MKNK1: variants seen among roughly 807,000 people sequenced by gnomAD.
The protein encoded by MKNK1 is MAPK interacting serine/threonine kinase 1.
Under a neutral mutation model 49.3 loss-of-function variants are expected in MKNK1, and 30 were observed. The ratio of observed to expected loss-of-function variants is 0.61; its 90% CI spans 0.46 to 0.83. The LOEUF (loss-of-function observed/expected upper bound fraction) is 0.83. Ranked by LOEUF, MKNK1 falls within the 40% of genes least tolerant of loss-of-function variation. MKNK1 has a pLI of 0.00. For synonymous variants in MKNK1, 176 were observed against 201.7 expected, an observed-to-expected ratio of 0.87 and a Z score of 1.08; for missense variants, 423 against 524.7, an observed-to-expected ratio of 0.81 and a Z score of 1.89.
At chr1:46,591,156 C>G (rs1673278319) in intron 2 of MKNK1, among the ~76,000 whole-genome samples, 1 of 152,208 alleles carries the variant, frequency 6.6e-6, no homozygotes, top group Non-Finnish European at 1.5e-5. Flanking sequence ...TCAGATTTAA[C>G]ACATGATGGA....
intron 4 of MKNK1, 77 bp downstream of exon 4, chr1:46,580,453 T>G (rs987710971): frequency 9.9e-7 from 1 of 1,008,190 alleles, no homozygotes; most frequent in Non-Finnish European, 1.6e-6. Flanking sequence ...TTATGGAATA[T>G]AACATTTATT....
Position 46,572,102 on chromosome 1 carries a change from G to A in MKNK1, c.418C>T (p.Arg140Trp), listed in dbSNP as rs756358006. Reference protein sequence around the residue: ...FNEREASRVVRDVAAALDFLH... With the variant: ...FNEREASRVVWDVAAALDFLH... ...AAGTCAAGGGCAGCAGCAACGTCCC[G>A]CACCACTCGGCTGGCTTCTCGCTCA... is the stretch of plus-strand genomic sequence containing the variant. The change falls in exon 7 of 13, where the codon CGG becomes TGG. Residue 140 changes from arginine (R) to tryptophan (W), a missense_variant. Coordinates refer to ENST00000371945, the MANE Select transcript of MKNK1 (RefSeq NM_001135553.4). 1.4e-5 allele frequency: 22 copies of A among 1,613,972 alleles called. No individual in the cohort carries two copies. The highest frequency in any genetic ancestry group is 2.2e-5 in the East Asian group (1 of 44,892).
In MKNK1 at chr1:46,558,306, A is replaced by G; in HGVS notation, c.*269T>C. 2 of 459,750 alleles carry G rather than the reference A, an allele frequency of 4.4e-6. No homozygotes were observed. Among genetic ancestry groups the G allele is most frequent in the Non-Finnish European group, 7.7e-6 (2 of 259,918 alleles). 28.5% of individuals were successfully genotyped at this position (459,750 alleles called of 1,614,324 possible). On this transcript the variant is annotated 3_prime_UTR_variant, in exon 13 of 13. Coordinates refer to ENST00000371945, the MANE Select transcript of MKNK1 (RefSeq NM_001135553.4). The stretch of plus-strand genomic sequence containing the variant: ...GCAGGCGGGTGAGCAGGTGGAGCCC[A>G]GTGAAGAGATGTTCCTGCTGCAGGC...
intron 2 of MKNK1, chr1:46,586,034 G>A (rs1672515426): frequency 1.0e-5 from 8 of 783,316 alleles, no homozygotes; most frequent in Non-Finnish European, 1.6e-5. Context: ...TAGCTTCCCT[G>A]GTTACACAGG....
In MKNK1 at chr1:46,558,398, C is replaced by T. The variant is rs369165175; in HGVS notation, c.*177G>A. 3.2e-6 allele frequency: 2 copies of T among 624,306 alleles called. No homozygotes were observed. The highest frequency in any genetic ancestry group is 5.3e-6 in the Non-Finnish European group (2 of 379,226). 38.7% of individuals were successfully genotyped at this position (624,306 alleles called of 1,614,324 possible). A position where few individuals can be genotyped will look rare whatever the true frequency, so the allele number is the denominator to read the frequency against. ...CAACCCCTTTGGAAAAAGCTTTTTCCTCCAGGACCCTAGGGAAATGGGGGT... is the reference window on the plus strand; with the variant it reads ...CAACCCCTTTGGAAAAAGCTTTTTCTTCCAGGACCCTAGGGAAATGGGGGT... On this transcript the variant is annotated 3_prime_UTR_variant, in exon 13 of 13. Transcript: ENST00000371945.
At chr1:46,562,925 G>T (rs183818787) in intron 9 of MKNK1, 82 bp from the exon 10 acceptor site, 9 of 1,172,474 alleles carry the variant, frequency 7.7e-6, no homozygotes, top group Non-Finnish European at 1.1e-5. Context: ...GCAGAGAGCA[G>T]ACTGTGATGG....
chr1:46,577,713 C>T (rs1015684752), intron 4 of MKNK1, among the ~76,000 whole-genome samples: 1 of 152,176 alleles, frequency 6.6e-6, no homozygotes, highest in Admixed American at 6.5e-5. Flanking sequence ...ACACTTTTAC[C>T]TGAGATGCTT....
intron 8 of MKNK1, among the ~76,000 whole-genome samples, chr1:46,568,045 C>T (rs918861973): frequency 1.3e-5 from 2 of 151,646 alleles, no homozygotes; most frequent in Non-Finnish European, 2.9e-5. Context: ...CCACTTGAGC[C>T]TGGGAAGTCG....
chr1:46,560,304 G>T (rs376318931), intron 11 of MKNK1, 27 bp from the exon 12 acceptor site: 2 of 1,612,782 alleles, frequency 1.2e-6, no homozygotes, highest in Non-Finnish European at 1.7e-6. Flanking sequence ...AGATGTGTAG[G>T]TAAAGCACTG....
chr1:46,571,988 C>T, intron 7 of MKNK1, 75 bp downstream of exon 7: 1 of 1,366,066 alleles, frequency 7.3e-7, no homozygotes, highest in Non-Finnish European at 1.0e-6. Flanking sequence ...CAGCCCTCTG[C>T]CTGGCCTACC....
chr1:46,562,658 C>T lies in MKNK1; in HGVS notation c.795G>A (p.Arg265=), dbSNP rs1380978934. ...DCGWDRGEVC[R]VCQNKLFESI... is the part of the protein sequence containing the mutation. The stretch of plus-strand genomic sequence containing the variant: ...CTGGGGCCGCACTCACCTGGCACAC[C>T]CTGCAGACCTCGCCCCGGTCCCAGC... Residue 265 remains arginine (R), a synonymous_variant, in exon 10 of 13, where the codon AGG becomes AGA. Transcript: ENST00000371945. The T allele has an allele frequency of 6.4e-7, 1 of 1,553,040 alleles. No individual in the cohort carries two copies. The highest frequency in any genetic ancestry group is 1.2e-5 in the South Asian group (1 of 84,272).
At chr1:46,569,480 G>C (rs899857536) in intron 7 of MKNK1, 1 of 152,272 alleles carries the variant, frequency 6.6e-6, no homozygotes, top group Admixed American at 6.5e-5. Context: ...GGGCTGGAAG[G>C]CTGAGCAAGA....
intron 1 of MKNK1, 43 bp downstream of exon 1, chr1:46,604,142 C>G (rs752382710): frequency 1.3e-5 from 2 of 152,304 alleles, no homozygotes; most frequent in African/African-American, 2.4e-5. Flanking sequence ...CAGACCCCGG[C>G]CCCATTTAGC....
intron 1 of MKNK1, among the ~76,000 whole-genome samples, chr1:46,599,681 A>C (rs1476046953): frequency 6.6e-6 from 1 of 152,206 alleles, no homozygotes; most frequent in East Asian, 1.9e-4. Flanking sequence ...TAGCATAAGG[A>C]AGATAACATG....
chr1:46,585,640 A>G (rs911408815), intron 2 of MKNK1: 4 of 352,524 alleles, frequency 1.1e-5, no homozygotes, highest in African/African-American at 8.6e-5. Flanking sequence ...GACAAGCAAA[A>G]CAGCCAAAAG....
chr1:46,576,689 C>T (rs1179313117), intron 4 of MKNK1, 35 bp from the exon 5 acceptor site: 17 of 1,585,388 alleles, frequency 1.1e-5, no homozygotes, highest in Non-Finnish European at 1.5e-5. Flanking sequence ...TGTACACCCA[C>T]CTGACTTCCA....
chr1:46,594,402 C>T (rs776905617), intron 1 of MKNK1, 122 bp from the exon 2 acceptor site: 60 of 517,674 alleles, frequency 1.2e-4, no homozygotes, highest in Non-Finnish European at 8.8e-5. Flanking sequence ...TAGATATACA[C>T]GCAGCAATCA....
At chr1:46,568,402 G>T (rs372509463) in intron 8 of MKNK1, 41 bp downstream of exon 8, 1 of 1,599,756 alleles carries the variant, frequency 6.3e-7, no homozygotes, top group Admixed American at 1.7e-5. Flanking sequence ...GGCTTCCTCG[G>T]TAAGTATAAA....
chr1:46,592,115 C>T (rs1254540796), intron 2 of MKNK1, among the ~76,000 whole-genome samples: 1 of 152,188 alleles, frequency 6.6e-6, no homozygotes, highest in Admixed American at 6.5e-5. Flanking sequence ...TGGCAGGTGT[C>T]TCTAATCTCA....
Sources: allele counts gnomAD v4.1 joint callset (sites outside exome capture counted in the v4.1 genomes callset), GRCh38; gene constraint gnomAD v4.1.1; transcripts MANE v1.5; gene names NCBI Gene and HGNC (gene_info 2026-07-23, HGNC 2026-07-21).